DIAPH3: variants seen among roughly 807,000 people sequenced by gnomAD.
DIAPH3 encodes diaphanous related formin 3, also known as protein diaphanous homolog 3.
A neutral mutation model predicts 144.3 loss-of-function variants in DIAPH3; 117 were observed. That is an observed-to-expected ratio of 0.81 (90% CI 0.70 to 0.95). DIAPH3 has a LOEUF of 0.95. Among genes scored for constraint, DIAPH3 ranks in the 40% least tolerant of loss-of-function variants. The probability of loss-of-function intolerance (pLI) is 0.00; values close to 1 mark genes in which losing one functional copy is unlikely to be tolerated. For synonymous variants in DIAPH3, 519 were observed against 488.9 expected (o/e 1.06, Z -0.81); for missense variants, 1,421 against 1,412.7 (o/e 1.01, Z -0.09).
At chr13:60,024,911 C>A (rs2054276601) in intron 5 of DIAPH3, among the ~76,000 whole-genome samples, 1 of 151,952 alleles carries the variant, frequency 6.6e-6, no homozygotes, top group South Asian at 2.1e-4. Flanking sequence ...CACCATGTAA[C>A]CTACAATAGC....
At chr13:59,991,103 CAATT>C in intron 12 of DIAPH3, 51 bp downstream of exon 12, 5 of 1,144,866 alleles carry the variant, frequency 4.4e-6, no homozygotes, top group Non-Finnish European at 6.4e-6. Flanking sequence ...GTGAATTTCA[CAATT>C]AATAGATTTT....
At chr13:59,979,353 T>A (rs1466323139) in intron 14 of DIAPH3, among the ~76,000 whole-genome samples, 2 of 151,582 alleles carry the variant, frequency 1.3e-5, no homozygotes, top group East Asian at 3.9e-4. Context: ...ACTACTACTT[T>A]CCTATGAAGA....
intron 5 of DIAPH3, among the ~76,000 whole-genome samples, chr13:60,036,243 G>C (rs1303753817): frequency 2.0e-5 from 3 of 152,112 alleles, no homozygotes; most frequent in Admixed American, 2.0e-4. Flanking sequence ...ATATAACATT[G>C]AGAATGTAAT....
At chr13:60,089,266 G>A (rs1189589201) in intron 4 of DIAPH3, among the ~76,000 whole-genome samples, 1 of 152,142 alleles carries the variant, frequency 6.6e-6, no homozygotes, top group African/African-American at 2.4e-5. Context: ...TATCTTCCAT[G>A]CTTGGTTTGT....
At chr13:60,090,393 C>T (rs2057891406) in intron 4 of DIAPH3, among the ~76,000 whole-genome samples, 1 of 151,524 alleles carries the variant, frequency 6.6e-6, no homozygotes, top group Admixed American at 6.6e-5. Context: ...ATTCTAAAAA[C>T]CAACCTTATC....
At chr13:60,040,251 A>AAAAAG (rs1555363112) in intron 5 of DIAPH3, among the ~76,000 whole-genome samples, 6 of 145,494 alleles carry the variant, frequency 4.1e-5, no homozygotes, top group African/African-American at 1.6e-4. Context: ...AAAAAAAAAA[A>AAAAAG]GGATCTTCTC....
chr13:59,882,364 A>T (rs567258732), intron 20 of DIAPH3, among the ~76,000 whole-genome samples: 1 of 152,216 alleles, frequency 6.6e-6, no homozygotes, highest in Non-Finnish European at 1.5e-5. Context: ...TGCTGGGATT[A>T]CAAGCATGAG....
chr13:60,051,075 G>A (rs1394763679), intron 4 of DIAPH3, among the ~76,000 whole-genome samples: 3 of 152,076 alleles, frequency 2.0e-5, no homozygotes, highest in South Asian at 2.1e-4. Context: ...GAAAAGACCC[G>A]TTTTAGTGGT....
intron 20 of DIAPH3, among the ~76,000 whole-genome samples, chr13:59,904,911 T>C (rs1030363418): frequency 6.6e-6 from 1 of 151,674 alleles, no homozygotes; most frequent in Admixed American, 6.6e-5. Context: ...AAACAACCAA[T>C]AAATACATAA....
chr13:60,140,543 G>A (rs1363107382), intron 1 of DIAPH3, among the ~76,000 whole-genome samples: 1 of 151,964 alleles, frequency 6.6e-6, no homozygotes, highest in Non-Finnish European at 1.5e-5. Flanking sequence ...ATTTAAAATT[G>A]CATATGTAAC....
At chr13:59,891,125 T>G (rs2045766390) in intron 20 of DIAPH3, among the ~76,000 whole-genome samples, 1 of 151,928 alleles carries the variant, frequency 6.6e-6, no homozygotes, top group Admixed American at 6.6e-5. Context: ...ATCTCAAACC[T>G]CATAATGAGA....
chr13:60,079,961 T>C (rs1042944149), intron 4 of DIAPH3, among the ~76,000 whole-genome samples: 1 of 151,800 alleles, frequency 6.6e-6, no homozygotes, highest in Non-Finnish European at 1.5e-5. Context: ...TTCCAAACTT[T>C]CCCACACAAA....
chr13:60,161,917 C>G (rs1952313262), intron 1 of DIAPH3, among the ~76,000 whole-genome samples: 2 of 151,988 alleles, frequency 1.3e-5, no homozygotes, highest in South Asian at 4.1e-4. Flanking sequence ...TAGCTGATAA[C>G]AAAATTAATG....
At chr13:59,839,551 G>GT (rs1162356331) in intron 22 of DIAPH3, 103 bp from the exon 23 acceptor site, 1 of 1,039,492 alleles carries the variant, frequency 9.6e-7, no homozygotes, top group Non-Finnish European at 1.3e-6. Flanking sequence ...TCACAATAAT[G>GT]TAAGAAAATT....
At chr13:59,810,664 G>T in intron 25 of DIAPH3, 124 bp downstream of exon 25, 1 of 1,049,120 alleles carries the variant, frequency 9.5e-7, no homozygotes. Flanking sequence ...ATTGTTCTAT[G>T]GTTTAATTAC....
At chr13:59,775,051 G>A (rs867747061) in intron 25 of DIAPH3, among the ~76,000 whole-genome samples, 1 of 152,098 alleles carries the variant, frequency 6.6e-6, no homozygotes, top group Non-Finnish European at 1.5e-5. Flanking sequence ...TAAAGGGACC[G>A]AGTTCCACGG....
At chr13:59,947,844 A>C (rs535715879) in intron 17 of DIAPH3, among the ~76,000 whole-genome samples, 1 of 152,310 alleles carries the variant, frequency 6.6e-6, no homozygotes, top group South Asian at 2.1e-4. Flanking sequence ...AATATCACTG[A>C]AGAAATCTGG....
chr13:59,984,259 TAATAC>T, intron 12 of DIAPH3, among the ~76,000 whole-genome samples: 1 of 151,802 alleles, frequency 6.6e-6, no homozygotes, highest in East Asian at 1.9e-4. Flanking sequence ...TTCACTTCAT[TAATAC>T]AACCAAAATA....
intron 4 of DIAPH3, among the ~76,000 whole-genome samples, chr13:60,070,116 G>A (rs2057142371): frequency 6.6e-6 from 1 of 151,988 alleles, no homozygotes; most frequent in Non-Finnish European, 1.5e-5. Context: ...CACGAGCATG[G>A]GATATGTTTC....
Sources: gnomAD v4.1 joint callset for allele counts (sites outside exome capture counted in the v4.1 genomes callset) on GRCh38, gnomAD v4.1.1 for gene constraint, MANE v1.5 for transcripts, NCBI Gene and HGNC (gene_info 2026-07-23, HGNC 2026-07-21) for gene names.